The following UST variants were observed in gnomAD, a reference collection of about 807,000 sequenced individuals.
UST encodes the protein chondroitin sulfate 2-O-sulfotransferase.
A neutral mutation model predicts 45.6 loss-of-function variants in UST; 21 were observed. That is an observed-to-expected ratio of 0.46 (90% confidence interval 0.33 to 0.66). The LOEUF is 0.66. UST is among the 30% of genes least tolerant of loss of function. The pLI, the probability that UST is intolerant of heterozygous loss-of-function variation, is 0.02. For missense variants in UST, 463 were observed against 512.4 expected (o/e 0.90, Z 0.93); for synonymous variants, 215 against 200.6 (o/e 1.07, Z -0.61).
At chr6:148,759,999 A>G (rs369276829) in intron 1 of UST, among the ~76,000 whole-genome samples, 1 of 152,188 alleles carries the variant, frequency 6.6e-6, no homozygotes, top group African/African-American at 2.4e-5. Context: ...ACAAGAGGTC[A>G]TATAATTGTA....
chr6:148,970,071 G>T (rs773769278), intron 5 of UST, among the ~76,000 whole-genome samples: 4 of 152,240 alleles, frequency 2.6e-5, no homozygotes, highest in Middle Eastern at 3.2e-3. Context: ...CAGCTTCAGA[G>T]ATACGCTGCG....
chr6:148,827,955 A>C (rs1348344977), intron 1 of UST, among the ~76,000 whole-genome samples: 1 of 151,994 alleles, frequency 6.6e-6, no homozygotes, highest in Non-Finnish European at 1.5e-5. Context: ...TTCCTATAAC[A>C]ATCTATTTTC....
intron 1 of UST, among the ~76,000 whole-genome samples, chr6:148,859,059 T>C (rs903551339): frequency 6.6e-6 from 1 of 152,350 alleles, no homozygotes; most frequent in African/African-American, 2.4e-5. Flanking sequence ...TTCTAGATCC[T>C]TGAGGAATCT....
rs1775920477 is a variant in UST at position 148,748,402 on chromosome 6, TGTGTG to T, written c.247+726_247+730del. Among the ~76,000 whole-genome samples, 5 of 9,012 alleles carry T rather than the reference TGTGTG, an allele frequency of 5.5e-4. No homozygotes were observed. In the East Asian group the frequency reaches 7.1e-3, roughly 13 times the overall value. The allele number at this position is 9,012 out of a possible 152,430, so 5.9% of individuals were successfully genotyped here. A position where few individuals can be genotyped will look rare whatever the true frequency, so the allele number is the denominator to read the frequency against. On this transcript the variant is annotated intron_variant, in intron 1 of 7. Transcript: ENST00000367463. This position sits in a 1 kb window ranked among gnomAD's most constrained non-coding sequence, Gnocchi z 5.3. ...CGTCTCAAGCTCAAGTCAAAACTTG[TGTGTG>T]TGTGTGTGTGTGTGTGTGTGTGTGT...
At chr6:148,935,484 C>A (rs1187222258) in intron 2 of UST, among the ~76,000 whole-genome samples, 1 of 152,148 alleles carries the variant, frequency 6.6e-6, no homozygotes, top group Non-Finnish European at 1.5e-5. Context: ...GGATAGAGTT[C>A]TCGGCCTGAC....
intron 5 of UST, among the ~76,000 whole-genome samples, chr6:148,978,399 A>G (rs903693944): frequency 6.6e-6 from 1 of 152,204 alleles, no homozygotes; most frequent in Admixed American, 6.5e-5. Context: ...ATTGTTTATA[A>G]TAGCAAAGAC....
intron 1 of UST, among the ~76,000 whole-genome samples, chr6:148,884,154 C>T (rs1201462095): frequency 6.7e-6 from 1 of 149,004 alleles, no homozygotes; most frequent in East Asian, 2.0e-4. Context: ...AAAAAAATTG[C>T]AGACCCTTTG....
At chr6:148,842,645 G>C (rs1777911156) in intron 1 of UST, among the ~76,000 whole-genome samples, 1 of 152,154 alleles carries the variant, frequency 6.6e-6, no homozygotes, top group Non-Finnish European at 1.5e-5. Context: ...CAGCAAAGTG[G>C]GAATATTATT....
chr6:149,066,210 G>C (rs533662504), intron 7 of UST: 3 of 152,412 alleles, frequency 2.0e-5, no homozygotes, highest in African/African-American at 7.2e-5. Context: ...ACAAGGAAGC[G>C]AGAGTAACTG....
At chr6:149,068,624 A>G (rs1337244948) in intron 7 of UST, among the ~76,000 whole-genome samples, 1 of 152,190 alleles carries the variant, frequency 6.6e-6, no homozygotes, top group Non-Finnish European at 1.5e-5. Flanking sequence ...GATGTATAAT[A>G]TTTTACATAT....
chr6:149,024,223 G>A (rs759004170), intron 7 of UST, among the ~76,000 whole-genome samples: 13 of 152,184 alleles, frequency 8.5e-5, no homozygotes, highest in Admixed American at 2.6e-4. Context: ...GTGATGTAAC[G>A]GAAGGACTAA....
intron 5 of UST, among the ~76,000 whole-genome samples, chr6:148,972,310 G>A (rs1024764366): frequency 1.3e-5 from 2 of 152,112 alleles, no homozygotes; most frequent in African/African-American, 4.8e-5. Context: ...CTGTCTTTAG[G>A]GGTAGAAGAA....
intron 1 of UST, among the ~76,000 whole-genome samples, chr6:148,837,668 C>T (rs571787415): frequency 6.6e-6 from 1 of 151,536 alleles, no homozygotes; most frequent in Admixed American, 6.6e-5. Flanking sequence ...CAGCAGAGAA[C>T]AAGAGATACA....
chr6:149,030,339 A>G (rs1161948975), intron 7 of UST, among the ~76,000 whole-genome samples: 1 of 152,188 alleles, frequency 6.6e-6, no homozygotes, highest in African/African-American at 2.4e-5. Context: ...ATTAAAGGCA[A>G]GAGCTTAAAA....
intron 3 of UST, among the ~76,000 whole-genome samples, chr6:148,953,343 G>A (rs1346149298): frequency 6.6e-6 from 1 of 152,126 alleles, no homozygotes; most frequent in Non-Finnish European, 1.5e-5. Context: ...AATCTGTCAC[G>A]TTGCTTTCAT....
At chr6:148,770,143 C>T (rs1264555616) in intron 1 of UST, among the ~76,000 whole-genome samples, 1 of 151,838 alleles carries the variant, frequency 6.6e-6, no homozygotes, top group East Asian at 1.9e-4. Flanking sequence ...AGCTGCTAGT[C>T]TAGCCTCTGA....
chr6:148,942,298 C>T (rs899568357), intron 3 of UST, among the ~76,000 whole-genome samples: 2 of 152,110 alleles, frequency 1.3e-5, no homozygotes, highest in Non-Finnish European at 2.9e-5. Context: ...AAAATTTCCT[C>T]ATGCCTGTAA....
intron 1 of UST, among the ~76,000 whole-genome samples, chr6:148,836,851 T>A (rs952360924): frequency 1.3e-5 from 2 of 152,056 alleles, no homozygotes; most frequent in Admixed American, 1.3e-4. Context: ...AAGCAGGACA[T>A]TTTCAGGTGA....
At chr6:148,892,964 T>TA (rs1364356212) in intron 2 of UST, among the ~76,000 whole-genome samples, 3 of 151,868 alleles carry the variant, frequency 2.0e-5, no homozygotes, top group African/African-American at 4.8e-5. Context: ...TTTCTTTTTT[T>TA]AAAAAAAAGT....
Sources: allele counts gnomAD v4.1 joint callset (sites outside exome capture counted in the v4.1 genomes callset), GRCh38; gene constraint gnomAD v4.1.1; non-coding constraint Gnocchi (gnomAD v3.1); transcripts MANE v1.5; gene names NCBI Gene and HGNC (gene_info 2026-07-23, HGNC 2026-07-21).